Variants in LEF1 observed in about 807,000 individuals in gnomAD.
The protein encoded by LEF1 is lymphoid enhancer-binding factor 1.
LEF1 carries 14 observed loss-of-function variants against 51.2 expected under a neutral mutation model. That is an observed-to-expected ratio of 0.27 (90% CI 0.18 to 0.43). The LOEUF is 0.43. Among genes scored for constraint, LEF1 ranks in the 20% least tolerant of loss-of-function variants. The pLI, the probability that LEF1 is intolerant of heterozygous loss-of-function variation, is 1.00. For missense variants in LEF1, 386 were observed against 512.0 expected, an observed-to-expected ratio of 0.75 and a Z score of 2.37; for synonymous variants, 185 against 183.2, an observed-to-expected ratio of 1.01 and a Z score of -0.08.
At chr4:108,087,500 T>C (rs911216170) in intron 4 of LEF1, among the ~76,000 whole-genome samples, 4 of 151,936 alleles carry the variant, frequency 2.6e-5, no homozygotes, top group African/African-American at 9.7e-5. Context: ...CAGTAGGAGA[T>C]GGAAACAGAA....
intron 4 of LEF1, 97 bp from the exon 5 acceptor site, chr4:108,083,543 G>T: frequency 1.4e-6 from 1 of 701,956 alleles, no homozygotes; most frequent in Non-Finnish European, 2.3e-6. Context: ...TTAAGGTTCA[G>T]AATGAAACAA....
At chr4:108,110,127 A>G (rs1189286467) in intron 3 of LEF1, among the ~76,000 whole-genome samples, 3 of 152,234 alleles carry the variant, frequency 2.0e-5, no homozygotes, top group Non-Finnish European at 2.9e-5. Context: ...GAAGAATGGC[A>G]GGTGGCATTG....
chr4:108,096,406 T>G (rs1261689525), intron 3 of LEF1, among the ~76,000 whole-genome samples: 1 of 152,160 alleles, frequency 6.6e-6, no homozygotes, highest in Non-Finnish European at 1.5e-5. Flanking sequence ...GTTCATCTTT[T>G]CTGGATCACA....
At chr4:108,086,563 T>C (rs1275448947) in intron 4 of LEF1, among the ~76,000 whole-genome samples, 1 of 152,202 alleles carries the variant, frequency 6.6e-6, no homozygotes, top group East Asian at 1.9e-4. Flanking sequence ...TATGCATTTT[T>C]GAGGAAGTTA....
intron 3 of LEF1, among the ~76,000 whole-genome samples, chr4:108,097,450 G>A (rs983458248): frequency 2.6e-5 from 4 of 152,198 alleles, no homozygotes; most frequent in African/African-American, 9.7e-5. Flanking sequence ...AATGGGGGTT[G>A]GGTGAGTGGG....
intron 3 of LEF1, among the ~76,000 whole-genome samples, chr4:108,159,913 T>C (rs977458993): frequency 7.2e-5 from 11 of 152,148 alleles, no homozygotes; most frequent in African/African-American, 2.2e-4. Flanking sequence ...CACCTAAAAA[T>C]TGACTCTTAG....
At chr4:108,130,602 C>T (rs1742814206) in intron 3 of LEF1, among the ~76,000 whole-genome samples, 1 of 149,528 alleles carries the variant, frequency 6.7e-6, no homozygotes, top group South Asian at 2.1e-4. Flanking sequence ...TGGTGGTGTG[C>T]ACCTGTAATC....
chr4:108,084,394 C>A (rs146726262), intron 4 of LEF1, among the ~76,000 whole-genome samples: 1 of 152,256 alleles, frequency 6.6e-6, no homozygotes, highest in Non-Finnish European at 1.5e-5. Context: ...CCAGATTATA[C>A]GTTTAGTGAC....
rs1254648508 is a variant in LEF1 at position 108,083,497 on chromosome 4, C to T, written c.548-51G>A. 3.3e-6 allele frequency: 4 copies of T among 1,199,320 alleles called. No individual in the cohort carries two copies. The East Asian group carries it at 9.6e-5, about 29-fold the overall frequency. The allele number at this position is 1,199,320 out of a possible 1,614,324, so 74.3% of individuals were successfully genotyped here. On this transcript the variant is annotated intron_variant, in intron 4 of 11. Transcript: ENST00000265165. ...ATTTACAGATTCACAGGATATTTAACCAGAAATGCAACTACATGTTTTATA... is the reference window on the plus strand; with the variant it reads ...ATTTACAGATTCACAGGATATTTAATCAGAAATGCAACTACATGTTTTATA...
chr4:108,102,812 A>C (rs1740915672), intron 3 of LEF1, among the ~76,000 whole-genome samples: 1 of 152,216 alleles, frequency 6.6e-6, no homozygotes, highest in Non-Finnish European at 1.5e-5. Context: ...GAGCTCCTCC[A>C]ACAAAAGGGT....
At chr4:108,123,271 T>G (rs1032026869) in intron 3 of LEF1, among the ~76,000 whole-genome samples, 2 of 152,164 alleles carry the variant, frequency 1.3e-5, no homozygotes, top group African/African-American at 4.8e-5. Context: ...GAAAGCCAGC[T>G]GCAGTTATAA....
chr4:108,067,322 G>A (rs913084186), intron 9 of LEF1, among the ~76,000 whole-genome samples: 1 of 152,188 alleles, frequency 6.6e-6, no homozygotes, highest in Non-Finnish European at 1.5e-5. Flanking sequence ...TAGAGAAAGA[G>A]ATAGAATATG....
intron 3 of LEF1, among the ~76,000 whole-genome samples, chr4:108,147,584 C>T (rs1296397937): frequency 5.9e-5 from 9 of 152,104 alleles, no homozygotes; most frequent in South Asian, 2.1e-4. Flanking sequence ...TATTATGTAA[C>T]TTTTTGTTGG....
intron 8 of LEF1, among the ~76,000 whole-genome samples, chr4:108,076,859 G>GA (rs575906380): frequency 0.015 from 2,207 of 147,656 alleles, 22 homozygotes; most frequent in Non-Finnish European, 0.02. Flanking sequence ...TGTCTCTACT[G>GA]AAAAAAAAAA....
At chr4:108,141,765 C>A (rs1198505804) in intron 3 of LEF1, among the ~76,000 whole-genome samples, 1 of 152,088 alleles carries the variant, frequency 6.6e-6, no homozygotes. Context: ...TGCCAGCATT[C>A]TTAATGCTTT....
At chr4:108,071,915 C>T (rs1277431463) in intron 8 of LEF1, 1 of 152,432 alleles carries the variant, frequency 6.6e-6, no homozygotes, top group African/African-American at 2.4e-5. Flanking sequence ...CATATACCCA[C>T]ATCCACATGC....
In LEF1 at chr4:108,053,856, T is replaced by C. The variant is rs79590980; in HGVS notation, c.*7-5105A>G. ...TGTCAGCTGAAGTGCTTCCAGAGGG[T>C]AATAACTAGCTAGGTAGACCTCCCT... On this transcript the variant is annotated intron_variant, in intron 11 of 11. Transcript: ENST00000265165. Among the ~76,000 whole-genome samples, 164 of 152,230 alleles carry C rather than the reference T, an allele frequency of 1.1e-3. 3 individuals carry two copies. The East Asian group carries it at 0.028, about 26-fold the overall frequency.
intron 11 of LEF1, among the ~76,000 whole-genome samples, chr4:108,060,531 G>C (rs543074076): frequency 6.6e-6 from 1 of 152,196 alleles, no homozygotes; most frequent in South Asian, 2.1e-4. Flanking sequence ...CCTGGGCTCT[G>C]CTCTTTCCAT....
At chr4:108,160,487 G>A (rs1744996341) in intron 3 of LEF1, among the ~76,000 whole-genome samples, 1 of 152,072 alleles carries the variant, frequency 6.6e-6, no homozygotes, top group Non-Finnish European at 1.5e-5. Flanking sequence ...TGTCATGATA[G>A]GTGCTTTCTT....
Sources: allele counts gnomAD v4.1 joint callset (sites outside exome capture counted in the v4.1 genomes callset), GRCh38; gene constraint gnomAD v4.1.1; transcripts MANE v1.5; gene names NCBI Gene and HGNC (gene_info 2026-07-23, HGNC 2026-07-21).